SLC25A40: variants seen among roughly 807,000 people sequenced by gnomAD.
SLC25A40 encodes solute carrier family 25 member 40, also known as mitochondrial glutathione transporter SLC25A40.
In SLC25A40, 41 loss-of-function variants were observed where a neutral mutation model predicts 46.5. The ratio of observed to expected loss-of-function variants is 0.88; its 90% CI spans 0.69 to 1.14. The LOEUF is 1.14. Among genes scored for constraint, SLC25A40 ranks in the 50% most tolerant of loss-of-function variants. The pLI, the probability that SLC25A40 is intolerant of heterozygous loss-of-function variation, is 0.00. For synonymous variants in SLC25A40, 126 were observed against 127.5 expected (o/e 0.99, Z 0.08); for missense variants, 386 against 393.6 (o/e 0.98, Z 0.16).
At chr7:87,872,795 C>T (rs1240942100) in intron 1 of SLC25A40, among the ~76,000 whole-genome samples, 2 of 152,152 alleles carry the variant, frequency 1.3e-5, no homozygotes, top group Non-Finnish European at 2.9e-5. Flanking sequence ...AACCCTGTCT[C>T]TACTAAAAAT....
intron 9 of SLC25A40, among the ~76,000 whole-genome samples, chr7:87,843,440 A>G (rs1174894661): frequency 6.6e-6 from 1 of 152,104 alleles, no homozygotes; most frequent in Non-Finnish European, 1.5e-5. Flanking sequence ...TTACCTAATC[A>G]GAGCATTTAT....
At chr7:87,847,157 A>C in intron 7 of SLC25A40, 35 bp from the exon 8 acceptor site, 1 of 1,527,284 alleles carries the variant, frequency 6.5e-7, no homozygotes, top group East Asian at 2.3e-5. Context: ...GAAAACAAAA[A>C]TAAAGCCATG....
chr7:87,846,229 G>A (rs1838416505), intron 8 of SLC25A40, among the ~76,000 whole-genome samples: 2 of 152,134 alleles, frequency 1.3e-5, no homozygotes, highest in Non-Finnish European at 2.9e-5. Flanking sequence ...TCAAATGAAT[G>A]GCATTCAATA....
At chr7:87,840,989 C>G (rs1276441288) in intron 10 of SLC25A40, among the ~76,000 whole-genome samples, 2 of 151,412 alleles carry the variant, frequency 1.3e-5, no homozygotes, top group African/African-American at 4.8e-5. Flanking sequence ...GCTACACTTT[C>G]TAAAGGGAAT....
At chr7:87,845,979 A>C (rs1257143103) in intron 8 of SLC25A40, among the ~76,000 whole-genome samples, 2 of 152,174 alleles carry the variant, frequency 1.3e-5, no homozygotes, top group Non-Finnish European at 2.9e-5. Flanking sequence ...TGAATCAACA[A>C]ATCCAATACT....
chr7:87,870,012 T>C (rs890183043), intron 1 of SLC25A40, among the ~76,000 whole-genome samples: 1 of 152,142 alleles, frequency 6.6e-6, no homozygotes, highest in Non-Finnish European at 1.5e-5. Flanking sequence ...AATCGTGAAA[T>C]CTCATTGTGG....
At chr7:87,854,062 G>A (rs1202278863) in intron 5 of SLC25A40, 142 bp downstream of exon 5, 2 of 594,280 alleles carry the variant, frequency 3.4e-6, no homozygotes, top group African/African-American at 1.9e-5. Context: ...CTATGAAAAG[G>A]TTAACAAAGG....
Position 87,854,232 on chromosome 7 carries a change from T to C in SLC25A40, c.236A>G (p.Lys79Arg). The C allele has an allele frequency of 1.2e-6, 2 of 1,612,806 alleles. No individual in the cohort carries two copies. Among genetic ancestry groups the C allele is most frequent in the Admixed American group, 1.7e-5 (1 of 60,010 alleles). The change falls in exon 5 of 12, where the codon AAG becomes AGG. Residue 79 changes from lysine (K) to arginine (R), a missense_variant. By Grantham distance (26) the Lys-to-Arg change is conservative. Transcript: ENST00000341119. ...CEEGGNKLWY[K>R]KPGNFQGTLD... ...TGTTCCCTGGAAATTTCCTGGCTTC[T>C]TATACCATAGTTTGTTGCCTCCCTC... is the stretch of plus-strand genomic sequence containing the variant.
chr7:87,864,495 G>T (rs73706943), intron 1 of SLC25A40, among the ~76,000 whole-genome samples: 2,241 of 152,186 alleles, frequency 0.015, 57 homozygotes, highest in African/African-American at 0.051. Flanking sequence ...ATATATCAGG[G>T]TGTTCCCGCA....
At chr7:87,871,982 T>A (rs1036045175) in intron 1 of SLC25A40, among the ~76,000 whole-genome samples, 3 of 152,254 alleles carry the variant, frequency 2.0e-5, no homozygotes, top group Non-Finnish European at 4.4e-5. Flanking sequence ...TACTTTGTTG[T>A]CATTTTAACA....
chr7:87,842,048 A>C, intron 9 of SLC25A40: 1 of 379,430 alleles, frequency 2.6e-6, no homozygotes, highest in Non-Finnish European at 5.4e-6. Flanking sequence ...ATTCCTTTAC[A>C]TCACAAGAAG....
chr7:87,862,409 A>G (rs10215973), intron 1 of SLC25A40, among the ~76,000 whole-genome samples: 15,025 of 152,150 alleles, frequency 0.099, 903 homozygotes, highest in African/African-American at 0.17. Flanking sequence ...ACTCTAACTA[A>G]CCAAGGTGGT....
intron 1 of SLC25A40, among the ~76,000 whole-genome samples, chr7:87,875,813 C>G (rs980136847): frequency 2.0e-5 from 3 of 152,214 alleles, no homozygotes; most frequent in African/African-American, 7.2e-5. Context: ...GCCGTCAAGG[C>G]CGGGGCCGCC....
At chr7:87,839,471 T>G in intron 10 of SLC25A40, among the ~76,000 whole-genome samples, 1 of 151,220 alleles carries the variant, frequency 6.6e-6, no homozygotes, top group Non-Finnish European at 1.5e-5. Context: ...GAATAGTGTT[T>G]CAAAAATATT....
At chr7:87,843,922 A>C in intron 8 of SLC25A40, 59 bp from the exon 9 acceptor site, 1 of 1,469,538 alleles carries the variant, frequency 6.8e-7, no homozygotes, top group Non-Finnish European at 9.2e-7. Flanking sequence ...GACTTTAATA[A>C]AAGAGTTATG....
intron 6 of SLC25A40, among the ~76,000 whole-genome samples, chr7:87,848,999 G>A (rs1388402366): frequency 6.6e-6 from 1 of 152,096 alleles, no homozygotes; most frequent in Admixed American, 6.5e-5. Context: ...GACAGCAAAA[G>A]CCAAGTTATT....
intron 6 of SLC25A40, among the ~76,000 whole-genome samples, chr7:87,849,641 C>T (rs888694296): frequency 2.0e-5 from 3 of 152,140 alleles, no homozygotes; most frequent in Admixed American, 6.6e-5. Flanking sequence ...TTTCCCTTAC[C>T]GATTCTGTTT....
chr7:87,856,404 G>C, intron 3 of SLC25A40, 53 bp from the exon 4 acceptor site: 1 of 1,307,890 alleles, frequency 7.6e-7, no homozygotes, highest in South Asian at 1.2e-5. Flanking sequence ...AAATTGGATA[G>C]ATGTTTTACA....
chr7:87,836,034 G>A lies in SLC25A40; in HGVS notation c.*215C>T, dbSNP rs1287886221. 5 of 406,070 alleles carry A rather than the reference G, an allele frequency of 1.2e-5. No homozygotes were observed. The highest frequency in any genetic ancestry group is 2.1e-5 in the African/African-American group (1 of 46,988). 25.2% of individuals were successfully genotyped at this position (406,070 alleles called of 1,614,324 possible). On this transcript the variant is annotated 3_prime_UTR_variant, in exon 12 of 12. Transcript: ENST00000341119. ...TCTATTTTTACAAGAATGCTCAATG[G>A]TGGTGATTTCTAGAATATCTTTTTC...
Sources: gnomAD v4.1 joint callset for allele counts (sites outside exome capture counted in the v4.1 genomes callset) on GRCh38, gnomAD v4.1.1 for gene constraint, MANE v1.5 for transcripts, NCBI Gene and HGNC (gene_info 2026-07-23, HGNC 2026-07-21) for gene names.